The following ING3 variants were observed in gnomAD, a reference collection of about 807,000 sequenced individuals.
ING3 encodes the protein inhibitor of growth protein 3.
A neutral mutation model predicts 64.8 loss-of-function variants in ING3; 6 were observed. That is an observed-to-expected ratio of 0.09 (90% CI 0.05 to 0.18). ING3 has a LOEUF of 0.18. Ranked by LOEUF, ING3 falls within the 10% of genes least tolerant of loss-of-function variation. The pLI is 1.00. For synonymous variants in ING3, 170 were observed against 173.7 expected, an observed-to-expected ratio of 0.98 and a Z score of 0.17; for missense variants, 310 against 489.7, an observed-to-expected ratio of 0.63 and a Z score of 3.46.
chr7:120,951,124 C>T (rs1384677232), intron 1 of ING3, 40 bp from the exon 2 acceptor site: 1 of 1,605,982 alleles, frequency 6.2e-7, no homozygotes, highest in Non-Finnish European at 8.5e-7. Flanking sequence ...GCGTATTTCG[C>T]CGTTGGCCCC....
chr7:120,965,143 A>G (rs1795981047), intron 5 of ING3, among the ~76,000 whole-genome samples: 3 of 152,200 alleles, frequency 2.0e-5, no homozygotes, highest in African/African-American at 7.2e-5. Context: ...CAAATTAACC[A>G]TCTTGCATTA....
intron 4 of ING3, among the ~76,000 whole-genome samples, chr7:120,963,356 A>G (rs1173244704): frequency 1.3e-5 from 2 of 152,056 alleles, no homozygotes; most frequent in African/African-American, 4.8e-5. Context: ...CAACACCCTA[A>G]TGATTGTTGT....
At position 120,950,804 on chromosome 7, in the gene ING3, A is replaced by T; in HGVS notation, c.-93A>T. ...GGAGTCGAGCGGGTGCTGCTAGCGG[A>T]GGCGCCATATTGGAGGGGACAAAAC... is the stretch of plus-strand genomic sequence containing the variant. On this transcript the variant is annotated 5_prime_UTR_variant, in exon 1 of 12. Coordinates refer to ENST00000315870, the MANE Select transcript of ING3 (RefSeq NM_019071.3). The T allele has an allele frequency of 7.0e-6, 3 of 430,636 alleles. No homozygotes were observed. Among genetic ancestry groups the T allele is most frequent in the South Asian group, 2.7e-5 (1 of 37,112 alleles). 26.7% of individuals were successfully genotyped at this position (430,636 alleles called of 1,614,324 possible). A position where few individuals can be genotyped will look rare whatever the true frequency, so the allele number is the denominator to read the frequency against.
At chr7:120,966,147 T>C (rs1455383326) in intron 5 of ING3, among the ~76,000 whole-genome samples, 1 of 152,170 alleles carries the variant, frequency 6.6e-6, no homozygotes, top group African/African-American at 2.4e-5. Context: ...GCGAACAAAA[T>C]CCCTAACTTC....
Position 120,953,367 on chromosome 7 carries a change from C to A in ING3, c.164C>A (p.Pro55His). 1.2e-6 allele frequency: 2 copies of A among 1,605,250 alleles called. No homozygotes were observed. Among genetic ancestry groups the A allele is most frequent in the Non-Finnish European group, 1.7e-6 (2 of 1,175,968 alleles). ...EFFMNAKKNK[P>H]EWREEQMASI... ...TTTATGAATGCAAAGAAAAATAAAC[C>A]TGAGTGGAGGGAAGAGCAAATGGCA... The change falls in exon 3 of 12, where the codon CCT (proline) becomes CAT (histidine). Residue 55 changes from proline (P) to histidine (H), a missense_variant. Transcript: ENST00000315870.
chr7:120,955,979 G>A (rs1795840458), intron 4 of ING3: 1 of 589,070 alleles, frequency 1.7e-6, no homozygotes, highest in East Asian at 2.9e-5. Context: ...GATTGTTTCT[G>A]TGGTAAAATA....
At chr7:120,965,031 C>T (rs1044501807) in intron 5 of ING3, among the ~76,000 whole-genome samples, 193 bp downstream of exon 5, 15 of 152,132 alleles carry the variant, frequency 9.9e-5, no homozygotes, top group African/African-American at 3.1e-4. Flanking sequence ...GGATATCATC[C>T]ACTCACTCTT....
At chr7:120,973,720 C>T (rs1422452193) in intron 11 of ING3, among the ~76,000 whole-genome samples, 2 of 152,052 alleles carry the variant, frequency 1.3e-5, no homozygotes, top group Non-Finnish European at 2.9e-5. Flanking sequence ...TAAGAGCCAC[C>T]CCTGATCTAA....
intron 11 of ING3, among the ~76,000 whole-genome samples, chr7:120,973,507 C>G (rs1796095751): frequency 6.6e-6 from 1 of 151,978 alleles, no homozygotes; most frequent in South Asian, 2.1e-4. Context: ...TTATAAATAC[C>G]CTCCTTTCCC....
At chr7:120,967,672 A>G (rs1048574764) in intron 7 of ING3, 24 bp downstream of exon 7, 5 of 1,574,888 alleles carry the variant, frequency 3.2e-6, no homozygotes, top group Non-Finnish European at 4.3e-6. Context: ...CTTAAATATG[A>G]TTGCTTTGTT....
At chr7:120,971,791 A>G (rs1469263462) in intron 10 of ING3, among the ~76,000 whole-genome samples, 1 of 152,086 alleles carries the variant, frequency 6.6e-6, no homozygotes, top group East Asian at 1.9e-4. Flanking sequence ...AATTTCTTGG[A>G]TAATCTTTTA....
chr7:120,969,865 GAATT>G (rs1254789333), intron 9 of ING3, among the ~76,000 whole-genome samples: 3 of 152,038 alleles, frequency 2.0e-5, no homozygotes, highest in Non-Finnish European at 2.9e-5. Flanking sequence ...TATTTTTTGT[GAATT>G]AATCCCTTAA....
chr7:120,972,962 T>C (rs1796088914), intron 10 of ING3, among the ~76,000 whole-genome samples: 1 of 152,202 alleles, frequency 6.6e-6, no homozygotes, highest in Non-Finnish European at 1.5e-5. Flanking sequence ...TCCGGGTGAT[T>C]TATATGTCAA....
intron 4 of ING3, 156 bp downstream of exon 4, chr7:120,955,780 G>A: frequency 1.6e-6 from 1 of 617,558 alleles, no homozygotes; most frequent in East Asian, 2.8e-5. Flanking sequence ...TCCATTTTAT[G>A]GTTTCTTTGT....
intron 4 of ING3, among the ~76,000 whole-genome samples, chr7:120,959,651 TTTTTTTTTTTTTG>T (rs1343714435): frequency 7.5e-6 from 1 of 132,958 alleles, no homozygotes; most frequent in African/African-American, 2.9e-5. Context: ...TTTTTTTTTT[TTTTTTTTTTTTTG>T]AGACGGAGTC....
At chr7:120,974,142 A>G (rs924560550) in intron 11 of ING3, among the ~76,000 whole-genome samples, 2 of 152,146 alleles carry the variant, frequency 1.3e-5, no homozygotes, top group Admixed American at 6.6e-5. Flanking sequence ...GATTTCTATG[A>G]GTACCAGCAT....
chr7:120,958,823 ACT>A (rs1000324104), intron 4 of ING3, among the ~76,000 whole-genome samples: 1 of 152,124 alleles, frequency 6.6e-6, no homozygotes, highest in African/African-American at 2.4e-5. Flanking sequence ...CGTGACCGTG[ACT>A]CTGCTTTAGC....
At chr7:120,963,863 C>A (rs1172088975) in intron 4 of ING3, among the ~76,000 whole-genome samples, 1 of 152,068 alleles carries the variant, frequency 6.6e-6, no homozygotes, top group African/African-American at 2.4e-5. Flanking sequence ...ATTTCTAATT[C>A]TAGCAGTAAT....
At chr7:120,965,640 C>T (rs1345652476) in intron 5 of ING3, among the ~76,000 whole-genome samples, 1 of 151,976 alleles carries the variant, frequency 6.6e-6, no homozygotes, top group African/African-American at 2.4e-5. Context: ...AGAATATGTA[C>T]CTGTTTCTAC....
Sources: allele counts gnomAD v4.1 joint callset (sites outside exome capture counted in the v4.1 genomes callset), GRCh38; gene constraint gnomAD v4.1.1; transcripts MANE v1.5; gene names NCBI Gene and HGNC (gene_info 2026-07-23, HGNC 2026-07-21).